Variants in MED4 observed in about 807,000 individuals in gnomAD.
The protein encoded by MED4 is mediator of RNA polymerase II transcription subunit 4.
MED4 carries 21 observed loss-of-function variants against 35.0 expected under a neutral mutation model. The ratio of observed to expected loss-of-function variants is 0.60; its 90% CI spans 0.43 to 0.86. The LOEUF (loss-of-function observed/expected upper bound fraction) is 0.86. Among genes scored for constraint, MED4 ranks in the 40% least tolerant of loss-of-function variants. MED4 has a pLI of 0.00. For missense variants in MED4, 300 were observed against 319.4 expected, an observed-to-expected ratio of 0.94 and a Z score of 0.46; for synonymous variants, 138 against 114.0, an observed-to-expected ratio of 1.21 and a Z score of -1.34.
At chr13:48,093,403 C>A in intron 1 of MED4, 1 of 233,468 alleles carries the variant, frequency 4.3e-6, no homozygotes, top group East Asian at 1.1e-4. Context: ...AGTTATAAAT[C>A]CACTATTTTT....
chr13:48,077,260 A>G lies in MED4; in HGVS notation c.692T>C (p.Met231Thr), dbSNP rs527841105. 6.3e-7 allele frequency: 1 copy of G among 1,576,564 alleles called. No individual in the cohort carries two copies. The highest frequency in any genetic ancestry group is 1.9e-5 in the Admixed American group (1 of 51,792). Residue 231 changes from methionine (M) to threonine (T), a missense_variant, in exon 7 of 7, where the codon ATG becomes ACG. Physicochemically the swap from Met to Thr is moderately conservative, Grantham distance 81. Coordinates refer to ENST00000258648, the MANE Select transcript of MED4 (RefSeq NM_014166.4). Reference sequence around the variant, plus strand: ...GTCACTACTATGATTTGGTGGTAACATATTCATCGACATGTCATTTGACTG... The same window carrying G: ...GTCACTACTATGATTTGGTGGTAACGTATTCATCGACATGTCATTTGACTG... ...PWQSNDMSMN[M>T]LPPNHSSDFL... is the part of the protein sequence containing the mutation.
At chr13:48,081,759 A>C (rs752699194) in intron 4 of MED4, 28 bp from the exon 5 acceptor site, 1 of 1,416,358 alleles carries the variant, frequency 7.1e-7, no homozygotes, top group Non-Finnish European at 9.8e-7. Context: ...GGACAGTATA[A>C]CCTGTAGTCT....
At chr13:48,093,252 G>T (rs1170666526) in intron 1 of MED4, among the ~76,000 whole-genome samples, 2 of 152,000 alleles carry the variant, frequency 1.3e-5, no homozygotes, top group East Asian at 3.9e-4. Flanking sequence ...TGAGTTTTGA[G>T]TTACAAATGG....
chr13:48,076,120 ATG>A lies in MED4; in HGVS notation c.*1017_*1018del, dbSNP rs1420887790. ...TGAATTGATATTATCTCTGGGTAGA[ATG>A]CTAACAATTTTATTTTCTCCTTTAC... On this transcript the variant is annotated 3_prime_UTR_variant, in exon 7 of 7. Coordinates refer to ENST00000258648, the MANE Select transcript of MED4 (RefSeq NM_014166.4). 2 of 152,240 alleles carry A rather than the reference ATG, an allele frequency of 1.3e-5. No individual in the cohort carries two copies. Among genetic ancestry groups the A allele is most frequent in the Non-Finnish European group, 2.9e-5 (2 of 68,022 alleles). 9.4% of individuals were successfully genotyped at this position (152,240 alleles called of 1,614,324 possible).
At chr13:48,080,399 A>AC (rs1468865883) in intron 5 of MED4, among the ~76,000 whole-genome samples, 2 of 149,224 alleles carry the variant, frequency 1.3e-5, no homozygotes, top group Non-Finnish European at 1.5e-5. Context: ...CCTGTCTCAA[A>AC]AAAAAAAAAA....
chr13:48,090,352 C>T lies in MED4; in HGVS notation c.192G>A (p.Gln64=). ...ACTAATTTAAAAAGAAGCCACTTAC[C>T]TGGTTTTCCTCTCCAGCCTGTAACA... ...QKLLQAGEEN[Q]VLELLIHRDG... The change falls in exon 2 of 7, where the codon CAG becomes CAA. Residue 64 remains glutamine (Q), a splice_region_variant and synonymous_variant. Transcript: ENST00000258648. 1 of 1,574,482 alleles carries T rather than the reference C, an allele frequency of 6.4e-7. No homozygotes were observed. The highest frequency in any genetic ancestry group is 8.6e-7 in the Non-Finnish European group (1 of 1,166,706).
rs909133175 is a variant in MED4 at position 48,094,896 on chromosome 13, G to A, written c.125+58C>T. On this transcript the variant is annotated intron_variant, in intron 1 of 6. Coordinates refer to ENST00000258648, the MANE Select transcript of MED4 (RefSeq NM_014166.4). The stretch of plus-strand genomic sequence containing the variant: ...ACGAGCACAAACGCAGGGCCGGCCG[G>A]CTCCGGGGTCAGTCCCCCGGCCCAG... 1.0e-5 allele frequency: 16 copies of A among 1,581,330 alleles called. No homozygotes were observed. The African/African-American group carries it at 2.0e-4, about 20-fold the overall frequency.
At position 48,090,371 on chromosome 13, in the gene MED4, T is replaced by C; in HGVS notation, c.173A>G (p.Gln58Arg). ...ACTTACCTGGTTTTCCTCTCCAGCC[T>C]GTAACAACTTTTGGTTTCTTGAAAT... ...LAISRNQKLLQAGEENQVLEL... is the reference protein window; with the variant it reads ...LAISRNQKLLRAGEENQVLEL... The change falls in exon 2 of 7, where the codon CAG (glutamine) becomes CGG (arginine). Residue 58 changes from glutamine (Q) to arginine (R), a missense_variant. Transcript: ENST00000258648. 6.3e-7 allele frequency: 1 copy of C among 1,593,232 alleles called. No homozygotes were observed. Among genetic ancestry groups the C allele is most frequent in the Non-Finnish European group, 8.5e-7 (1 of 1,173,046 alleles).
intron 1 of MED4, among the ~76,000 whole-genome samples, chr13:48,092,907 AG>A (rs1950900249): frequency 6.6e-6 from 1 of 152,176 alleles, no homozygotes; most frequent in Non-Finnish European, 1.5e-5. Context: ...AGGCTTTACA[AG>A]GCTTGCCTTA....
At chr13:48,080,390 C>T (rs9567991) in intron 5 of MED4, among the ~76,000 whole-genome samples, 68,753 of 129,356 alleles carry the variant, frequency 0.53, 20,308 homozygotes, top group Non-Finnish European at 0.66. Flanking sequence ...GAGCAAGACC[C>T]TGTCTCAAAA....
chr13:48,082,231 G>A (rs954771831), intron 4 of MED4, among the ~76,000 whole-genome samples: 5 of 151,548 alleles, frequency 3.3e-5, no homozygotes, highest in Non-Finnish European at 5.9e-5. Context: ...GGTATGACCC[G>A]ACTGTTCAAA....
At position 48,076,627 on chromosome 13, in the gene MED4, C is replaced by A. The variant is rs1206000190; in HGVS notation, c.*512G>T. 1 of 152,120 alleles carries A rather than the reference C, an allele frequency of 6.6e-6. No homozygotes were observed. Among genetic ancestry groups the A allele is most frequent in the Admixed American group, 6.5e-5 (1 of 15,272 alleles). 9.4% of individuals were successfully genotyped at this position (152,120 alleles called of 1,614,324 possible). A position where few individuals can be genotyped will look rare whatever the true frequency, so the allele number is the denominator to read the frequency against. On this transcript the variant is annotated 3_prime_UTR_variant, in exon 7 of 7. Coordinates refer to ENST00000258648, the MANE Select transcript of MED4 (RefSeq NM_014166.4). ...ACAAAAATTACAATTACAAACTGTACAAATTGAGACAATTTCCCATGCCTC... is the reference window on the plus strand; with the variant it reads ...ACAAAAATTACAATTACAAACTGTAAAAATTGAGACAATTTCCCATGCCTC...
At chr13:48,087,617 C>A (rs575080103) in intron 2 of MED4, among the ~76,000 whole-genome samples, 2 of 151,848 alleles carry the variant, frequency 1.3e-5, no homozygotes, top group Non-Finnish European at 2.9e-5. Flanking sequence ...TTTGGGAGGC[C>A]GAGGTAGGCG....
chr13:48,080,023 AGT>A (rs1950793264), intron 5 of MED4, 48 bp from the exon 6 acceptor site: 8 of 1,589,846 alleles, frequency 5.0e-6, no homozygotes, highest in Non-Finnish European at 6.9e-6. Context: ...TTAAAAAATA[AGT>A]GTTAATATGT....
intron 3 of MED4, among the ~76,000 whole-genome samples, chr13:48,084,240 A>ATAGAGC (rs1428537135): frequency 7.0e-6 from 1 of 143,220 alleles, no homozygotes; most frequent in East Asian, 2.0e-4. Context: ...GGCCTGGGCA[A>ATAGAGC]TAGAGCAAGA....
intron 1 of MED4, among the ~76,000 whole-genome samples, chr13:48,091,171 G>A (rs1950887446): frequency 6.6e-6 from 1 of 152,030 alleles, no homozygotes; most frequent in Non-Finnish European, 1.5e-5. Flanking sequence ...CACTTTATTT[G>A]AATTTTTTAA....
intron 4 of MED4, among the ~76,000 whole-genome samples, chr13:48,082,417 G>A (rs11841517): frequency 0.039 from 5,949 of 152,252 alleles, 251 homozygotes; most frequent in East Asian, 0.097. Flanking sequence ...TGTGTGTACA[G>A]TTTTTGAAGA....
chr13:48,091,636 T>C (rs925831063), intron 1 of MED4, among the ~76,000 whole-genome samples: 1 of 152,252 alleles, frequency 6.6e-6, no homozygotes, highest in Non-Finnish European at 1.5e-5. Context: ...TATTCACTAA[T>C]TCATCAAATA....
chr13:48,094,961 G>A lies in MED4; in HGVS notation c.118C>T (p.Leu40=). ...TCAGGCTCGCCGCATTACCTAGACA[G>A]GACCTCCAAGTCCTCAAGCGCAGAC... is the stretch of plus-strand genomic sequence containing the variant. ...LLSALEDLEV[L]SRELIEMLAI... The change falls in exon 1 of 7, where the codon CTG becomes TTG. Residue 40 remains leucine (L), a synonymous_variant. Transcript: ENST00000258648. 1 of 1,603,134 alleles carries A rather than the reference G, an allele frequency of 6.2e-7. No homozygotes were observed. The highest frequency in any genetic ancestry group is 8.5e-7 in the Non-Finnish European group (1 of 1,179,698).
Sources: gnomAD v4.1 joint callset for allele counts (sites outside exome capture counted in the v4.1 genomes callset) on GRCh38, gnomAD v4.1.1 for gene constraint, MANE v1.5 for transcripts, NCBI Gene and HGNC (gene_info 2026-07-23, HGNC 2026-07-21) for gene names.